Variants in ST13 observed in about 807,000 individuals in gnomAD.
ST13 encodes ST13 Hsp70 interacting protein, also known as hsc70-interacting protein.
In ST13, 23 loss-of-function variants were observed where a neutral mutation model predicts 56.7. The observed-to-expected ratio is 0.41, with a 90% confidence interval of 0.29 to 0.57. The LOEUF is 0.57. Ranked by LOEUF, ST13 falls within the 20% of genes least tolerant of loss-of-function variation. ST13 has a pLI of 0.36. For missense variants in ST13, 369 were observed against 459.9 expected, an observed-to-expected ratio of 0.80 and a Z score of 1.81; for synonymous variants, 132 against 142.4, an observed-to-expected ratio of 0.93 and a Z score of 0.52.
intron 9 of ST13, 28 bp from the exon 10 acceptor site, chr22:40,829,702 T>C (rs773267356): frequency 4.4e-6 from 6 of 1,354,304 alleles, no homozygotes; most frequent in Non-Finnish European, 6.0e-6. Flanking sequence ...ATAAATTATA[T>C]AATAGAAGAA....
In ST13 at chr22:40,832,680, G is replaced by A. The variant is rs1298934186; in HGVS notation, c.579-9C>T. The A allele has an allele frequency of 3.1e-6, 5 of 1,588,374 alleles. No homozygotes were observed. The South Asian group carries it at 5.5e-5, about 18-fold the overall frequency. On this transcript the variant is annotated splice_polypyrimidine_tract_variant and intron_variant, in intron 7 of 11. Transcript: ENST00000216218. The stretch of plus-strand genomic sequence containing the variant: ...CCCAGTGGCCTAGAAGTCTGAAACA[G>A]ATTTACACTCATTTTAGGAGCCTTT...
chr22:40,837,475 C>T (rs5750999), intron 5 of ST13, among the ~76,000 whole-genome samples: 9,379 of 152,068 alleles, frequency 0.062, 395 homozygotes, highest in East Asian at 0.2. Context: ...GGAGAAACCC[C>T]GTCTCTACTA....
chr22:40,847,556 G>GAAAAAAAAAAAAAAAAAAAAAA (rs1177807946), intron 3 of ST13, among the ~76,000 whole-genome samples: 2 of 83,988 alleles, frequency 2.4e-5, no homozygotes, highest in Non-Finnish European at 2.5e-5. Context: ...CTCAAAAAAA[G>GAAAAAAAAAAAAAAAAAAAAAA]AAAAAAAAAA....
chr22:40,836,032 GC>G, intron 5 of ST13, 145 bp from the exon 6 acceptor site: 1 of 636,500 alleles, frequency 1.6e-6, no homozygotes, highest in East Asian at 2.9e-5. Context: ...ACTAAAACTG[GC>G]TCTTGAAAGC....
chr22:40,839,015 T>G (rs1442909588), intron 5 of ST13, among the ~76,000 whole-genome samples: 1 of 152,052 alleles, frequency 6.6e-6, no homozygotes, highest in East Asian at 1.9e-4. Context: ...AATCCTCTGA[T>G]GAAGATCTTA....
intron 1 of ST13, among the ~76,000 whole-genome samples, chr22:40,855,768 G>A (rs548241352): frequency 2.0e-5 from 3 of 152,142 alleles, no homozygotes; most frequent in Non-Finnish European, 2.9e-5. Context: ...CTCCTTGCAC[G>A]TAGCGAAGTA....
intron 5 of ST13, among the ~76,000 whole-genome samples, chr22:40,840,399 C>T (rs373735962): frequency 2.6e-5 from 4 of 151,086 alleles, no homozygotes; most frequent in South Asian, 2.1e-4. Flanking sequence ...AAAAACACCA[C>T]GATAGGGTCA....
At chr22:40,854,154 A>G (rs2057876248) in intron 1 of ST13, among the ~76,000 whole-genome samples, 2 of 152,238 alleles carry the variant, frequency 1.3e-5, no homozygotes, top group Non-Finnish European at 2.9e-5. Context: ...GAGTAACCCT[A>G]ACAGTAGCAT....
rs550209757 is a variant in ST13, at chr22:40,856,610, G to A, written c.-70C>T. The A allele has an allele frequency of 1.3e-4, 167 of 1,303,782 alleles. 1 individual carries two copies. In the Middle Eastern group the frequency reaches 1.3e-3, roughly 10 times the overall value. The allele number at this position is 1,303,782 out of a possible 1,614,324, so 80.8% of individuals were successfully genotyped here. ...CCAGGCCCAGGCGCTGGCTCGGCGTGACCGCGCAGAAGGGGGCGGCTGCCG... is the reference window on the plus strand; with the variant it reads ...CCAGGCCCAGGCGCTGGCTCGGCGTAACCGCGCAGAAGGGGGCGGCTGCCG... On this transcript the variant is annotated 5_prime_UTR_variant, in exon 1 of 12. Transcript: ENST00000216218.
intron 10 of ST13, among the ~76,000 whole-genome samples, chr22:40,828,422 G>T (rs2057738727): frequency 6.7e-6 from 1 of 148,856 alleles, no homozygotes; most frequent in Non-Finnish European, 1.5e-5. Flanking sequence ...GGCTAACACG[G>T]TGAAACCCCG....
At chr22:40,844,799 A>G (rs202048880) in intron 4 of ST13, 40 bp downstream of exon 4, 1 of 1,537,678 alleles carries the variant, frequency 6.5e-7, no homozygotes, top group Non-Finnish European at 9.0e-7. Context: ...GACCTTTCAC[A>G]TTTCTTAGAA....
intron 1 of ST13, among the ~76,000 whole-genome samples, 154 bp from the exon 2 acceptor site, chr22:40,851,034 T>A (rs1459989964): frequency 6.6e-6 from 1 of 152,212 alleles, no homozygotes; most frequent in Non-Finnish European, 1.5e-5. Flanking sequence ...GCTGTGGTAT[T>A]ATTATGGTTA....
chr22:40,829,377 G>T (rs973454393), intron 10 of ST13, among the ~76,000 whole-genome samples: 1 of 152,006 alleles, frequency 6.6e-6, no homozygotes, highest in East Asian at 1.9e-4. Context: ...CTGTCCTCTG[G>T]TATTCAAAGA....
intron 4 of ST13, among the ~76,000 whole-genome samples, chr22:40,841,327 G>A (rs967028190): frequency 1.3e-5 from 2 of 151,944 alleles, no homozygotes; most frequent in Admixed American, 1.3e-4. Context: ...TCTTGATTGT[G>A]TCACTGTACT....
intron 7 of ST13, 24 bp from the exon 8 acceptor site, chr22:40,832,695 T>C (rs1196800362): frequency 6.5e-7 from 1 of 1,543,336 alleles, no homozygotes; most frequent in Non-Finnish European, 8.9e-7. Flanking sequence ...ACACTCATTT[T>C]AGGAGCCTTT....
chr22:40,856,579 C>A lies in ST13; in HGVS notation c.-39G>T. 1.9e-6 allele frequency: 3 copies of A among 1,564,326 alleles called. No homozygotes were observed. Among genetic ancestry groups the A allele is most frequent in the Non-Finnish European group, 2.6e-6 (3 of 1,137,492 alleles). On this transcript the variant is annotated 5_prime_UTR_variant, in exon 1 of 12. Coordinates refer to ENST00000216218, the MANE Select transcript of ST13 (RefSeq NM_003932.5). ...TGGGCGAAACTGGGGGGGCTACGGCCCGGTTCCAGGCCCAGGCGCTGGCTC... is the reference window on the plus strand; with the variant it reads ...TGGGCGAAACTGGGGGGGCTACGGCACGGTTCCAGGCCCAGGCGCTGGCTC...
rs554522813 is a variant in ST13, at chr22:40,856,527, T to G, written c.14A>C (p.Lys5Thr). The change falls in exon 1 of 12, where the codon AAA (lysine) becomes ACA (threonine). Residue 5 changes from lysine to threonine, a missense_variant. Physicochemically the swap from Lys to Thr is moderately conservative, Grantham distance 78 (BLOSUM62 -1). Around this residue, in one of 3 missense-constraint regions of ST13, gnomAD observed 169 missense variants for 175.6 expected, o/e 0.96. Coordinates refer to ENST00000216218, the MANE Select transcript of ST13 (RefSeq NM_003932.5). Reference sequence around the variant, plus strand: ...CACAAAGGCCCGAAGCTCGTTCACTTTGCGGGGGTCCATGGTAGGGAGGTG... The same window carrying G: ...CACAAAGGCCCGAAGCTCGTTCACTGTGCGGGGGTCCATGGTAGGGAGGTG... MDPR[K>T]VNELRAFVKM... 3.0e-5 allele frequency: 48 copies of G among 1,612,322 alleles called. No homozygotes were observed. Among genetic ancestry groups the G allele is most frequent in the Non-Finnish European group, 3.6e-5 (42 of 1,179,704 alleles).
intron 8 of ST13, 75 bp from the exon 9 acceptor site, chr22:40,831,031 G>A: frequency 1.0e-6 from 1 of 954,250 alleles, no homozygotes; most frequent in Non-Finnish European, 1.6e-6. Context: ...TCTTTGTAGA[G>A]AGATGTTTAA....
chr22:40,848,866 C>G (rs1052584638), intron 2 of ST13, among the ~76,000 whole-genome samples: 14 of 152,162 alleles, frequency 9.2e-5, no homozygotes, highest in Non-Finnish European at 2.9e-5. Context: ...AAAATCTTTA[C>G]AAGGGTTTTT....
Sources: gnomAD v4.1 joint callset for allele counts (sites outside exome capture counted in the v4.1 genomes callset) on GRCh38, gnomAD v4.1.1 for gene constraint, gnomAD v4.1.1 regional missense constraint, MANE v1.5 for transcripts, NCBI Gene and HGNC (gene_info 2026-07-23, HGNC 2026-07-21) for gene names.